Variants in DDX10 observed in about 807,000 individuals in gnomAD.
DDX10 encodes the protein DEAD-box helicase 10, also known as probable ATP-dependent RNA helicase DDX10.
A neutral mutation model predicts 104.3 loss-of-function variants in DDX10; 74 were observed. That is an observed-to-expected ratio of 0.71 (90% CI 0.59 to 0.86). The LOEUF (loss-of-function observed/expected upper bound fraction) is 0.86, where lower values mean the gene tolerates loss of function less well. Among genes scored for constraint, DDX10 ranks in the 40% least tolerant of loss-of-function variants. The probability of loss-of-function intolerance (pLI) is 0.00; values close to 1 mark genes in which losing one functional copy is unlikely to be tolerated. For synonymous variants in DDX10, 351 were observed against 353.4 expected, an observed-to-expected ratio of 0.99 and a Z score of 0.08; for missense variants, 952 against 1,040.0, an observed-to-expected ratio of 0.92 and a Z score of 1.16.
intron 16 of DDX10, among the ~76,000 whole-genome samples, chr11:108,868,816 C>T (rs540341248): frequency 2.5e-4 from 38 of 152,158 alleles, no homozygotes; most frequent in African/African-American, 8.7e-4. Flanking sequence ...AGCTCCCTAG[C>T]AGTTTGTGAA....
At chr11:108,673,366 C>T (rs2094219564) in intron 1 of DDX10, 101 bp from the exon 2 acceptor site, 1 of 759,568 alleles carries the variant, frequency 1.3e-6, no homozygotes, top group East Asian at 2.7e-5. Context: ...TTGAATTCAA[C>T]CCTGAATTAC....
intron 13 of DDX10, among the ~76,000 whole-genome samples, chr11:108,808,764 T>TA (rs1028191128): frequency 2.7e-4 from 40 of 149,222 alleles, no homozygotes; most frequent in East Asian, 2.0e-3. Context: ...GGCCCACCTT[T>TA]AAAAAAAAAA....
At chr11:108,898,757 C>G (rs1863473939) in intron 16 of DDX10, among the ~76,000 whole-genome samples, 1 of 151,982 alleles carries the variant, frequency 6.6e-6, no homozygotes, top group African/African-American at 2.4e-5. Context: ...TACTTACACT[C>G]TTGCTAGCTT....
chr11:108,708,714 T>C (rs1486251596), intron 10 of DDX10, among the ~76,000 whole-genome samples: 2 of 151,980 alleles, frequency 1.3e-5, no homozygotes, highest in Non-Finnish European at 2.9e-5. Context: ...ATTACAGGCA[T>C]GTGCCACCAT....
At chr11:108,895,760 G>A (rs925025946) in intron 16 of DDX10, among the ~76,000 whole-genome samples, 5 of 152,010 alleles carry the variant, frequency 3.3e-5, no homozygotes, top group Admixed American at 1.3e-4. Flanking sequence ...TATTTTAATA[G>A]CGTAGATGCC....
chr11:108,689,534 G>T (rs930918223), intron 7 of DDX10, among the ~76,000 whole-genome samples: 3 of 152,130 alleles, frequency 2.0e-5, no homozygotes, highest in African/African-American at 7.2e-5. Flanking sequence ...GTCCCTTTCT[G>T]ACACTCCCTT....
chr11:108,761,725 A>C (rs564122845), intron 13 of DDX10, among the ~76,000 whole-genome samples: 1 of 152,126 alleles, frequency 6.6e-6, no homozygotes, highest in Non-Finnish European at 1.5e-5. Flanking sequence ...TCCAACTTAC[A>C]TATCTTTTGG....
rs1863198597 is a variant in DDX10 at position 108,879,477 on chromosome 11, A to G, written c.2304+27268A>G. 2.6e-5 allele frequency among the ~76,000 whole-genome samples: 4 copies of G among 152,334 alleles called. No individual in the cohort carries two copies. The South Asian group carries it at 8.3e-4, about 32-fold the overall frequency. On this transcript the variant is annotated intron_variant, in intron 16 of 17. Transcript: ENST00000322536. ...AATATAGGTATAATATAATTTTCCT[A>G]AAATGGTAATTTCTACATTGCTCCC...
intron 13 of DDX10, among the ~76,000 whole-genome samples, chr11:108,820,203 G>A (rs1219940669): frequency 6.6e-6 from 1 of 152,176 alleles, no homozygotes; most frequent in African/African-American, 2.4e-5. Flanking sequence ...TTGGCACATG[G>A]CATCTGTTAT....
intron 13 of DDX10, among the ~76,000 whole-genome samples, chr11:108,791,096 A>G (rs1861865061): frequency 6.6e-6 from 1 of 152,236 alleles, no homozygotes; most frequent in African/African-American, 2.4e-5. Flanking sequence ...TGGAAGAGAT[A>G]CTAGTGTGAC....
chr11:108,838,403 C>A (rs763780726), intron 13 of DDX10, 43 bp from the exon 14 acceptor site: 2 of 1,582,846 alleles, frequency 1.3e-6, no homozygotes, highest in African/African-American at 1.4e-5. Context: ...TATAAAGCAA[C>A]CATTTTCCTA....
chr11:108,796,137 A>G (rs1042220635), intron 13 of DDX10, among the ~76,000 whole-genome samples: 3 of 152,200 alleles, frequency 2.0e-5, no homozygotes, highest in Non-Finnish European at 2.9e-5. Context: ...TAATGCCTGT[A>G]TGATCCGTTG....
chr11:108,807,063 G>A (rs1862111720), intron 13 of DDX10, among the ~76,000 whole-genome samples: 2 of 152,210 alleles, frequency 1.3e-5, no homozygotes, highest in African/African-American at 4.8e-5. Flanking sequence ...GGTTAGGCAA[G>A]CAATAGCTTG....
intron 9 of DDX10, among the ~76,000 whole-genome samples, chr11:108,697,264 A>G (rs549781018): frequency 2.0e-5 from 3 of 149,430 alleles, no homozygotes; most frequent in African/African-American, 4.9e-5. Context: ...AAACTTGCCA[A>G]TAATGGGCTT....
chr11:108,759,097 G>T (rs1435779589), intron 13 of DDX10, among the ~76,000 whole-genome samples: 1 of 151,976 alleles, frequency 6.6e-6, no homozygotes, highest in Non-Finnish European at 1.5e-5. Flanking sequence ...CACTTCAATT[G>T]TTCTGGGTTC....
At chr11:108,921,213 C>T (rs998984873) in intron 17 of DDX10, 1 of 152,118 alleles carries the variant, frequency 6.6e-6, no homozygotes, top group African/African-American at 2.4e-5. Flanking sequence ...TTATTTGCCT[C>T]AATGGCAATG....
chr11:108,845,771 G>A (rs558031961), intron 15 of DDX10, among the ~76,000 whole-genome samples: 4 of 152,042 alleles, frequency 2.6e-5, no homozygotes, highest in African/African-American at 9.6e-5. Context: ...TTTTCAGCAT[G>A]TTCAAAATAT....
intron 9 of DDX10, among the ~76,000 whole-genome samples, chr11:108,695,079 G>T (rs1400626628): frequency 1.3e-5 from 2 of 152,152 alleles, no homozygotes; most frequent in Admixed American, 6.5e-5. Flanking sequence ...ATAGCATATG[G>T]TAATACTTAT....
intron 13 of DDX10, among the ~76,000 whole-genome samples, chr11:108,835,631 C>G (rs1259594549): frequency 1.3e-5 from 2 of 152,156 alleles, no homozygotes; most frequent in South Asian, 2.1e-4. Context: ...GAAGTGGGCT[C>G]GAGCCAGTGG....
Sources: allele counts gnomAD v4.1 joint callset (sites outside exome capture counted in the v4.1 genomes callset), GRCh38; gene constraint gnomAD v4.1.1; transcripts MANE v1.5; gene names NCBI Gene and HGNC (gene_info 2026-07-23, HGNC 2026-07-21).